Variants in RAD23A observed in about 807,000 individuals in gnomAD.
RAD23A encodes RAD23 nucleotide excision repair protein A, also known as lysine-specific demethylase RAD23A.
Under a neutral mutation model 44.8 loss-of-function variants are expected in RAD23A, and 16 were observed. The ratio of observed to expected loss-of-function variants is 0.36; its 90% CI spans 0.24 to 0.54. The LOEUF is 0.54. Among genes scored for constraint, RAD23A ranks in the 20% least tolerant of loss-of-function variants. The pLI is 0.89. For missense variants in RAD23A, 380 were observed against 483.3 expected, an observed-to-expected ratio of 0.79 and a Z score of 2.00; for synonymous variants, 217 against 202.9, an observed-to-expected ratio of 1.07 and a Z score of -0.59.
rs1971653247 is a variant in RAD23A, at chr19:12,945,865, G to T, written c.-84G>T. The T allele has an allele frequency of 4.8e-6, 7 of 1,464,418 alleles. No individual in the cohort carries two copies. Among genetic ancestry groups the T allele is most frequent in the Middle Eastern group, 2.3e-4 (1 of 4,416 alleles). 90.7% of individuals were successfully genotyped at this position (1,464,418 alleles called of 1,614,324 possible). On this transcript the variant is annotated 5_prime_UTR_variant, in exon 1 of 9. Transcript: ENST00000586534. The stretch of plus-strand genomic sequence containing the variant: ...CCGGAAGTGGTCGGCGCGCGGCGCG[G>T]CGCGCCTGGGCGCTAAGATGGCGGC...
intron 8 of RAD23A, 37 bp from the exon 9 acceptor site, chr19:12,952,899 A>C (rs764294865): frequency 2.5e-6 from 4 of 1,610,626 alleles, no homozygotes; most frequent in Non-Finnish European, 3.4e-6. Context: ...CAGGACCCCT[A>C]CCCTCTCCTG....
chr19:12,952,773 G>A lies in RAD23A; in HGVS notation c.898G>A (p.Glu300Lys). 1 of 1,602,404 alleles carries A rather than the reference G, an allele frequency of 6.2e-7. No individual in the cohort carries two copies. The highest frequency in any genetic ancestry group is 8.5e-7 in the Non-Finnish European group (1 of 1,174,668). Residue 300 changes from glutamate (E) to lysine (K), a missense_variant, in exon 8 of 9, where the codon GAG (glutamate) becomes AAG (lysine). Glu to Lys is a moderately conservative substitution (Grantham distance 56). Coordinates refer to ENST00000586534, the MANE Select transcript of RAD23A (RefSeq NM_005053.4). ...GGCGGACATCTCAGATGTGGAGGGG[G>A]AGGTGGGCGCCATAGGAGAGGAGGC... is the stretch of plus-strand genomic sequence containing the variant. ...ELADISDVEG[E>K]VGAIGEEAPQ...
At chr19:12,952,500 G>C (rs1211445757) in intron 7 of RAD23A, 189 bp from the exon 8 acceptor site, 2 of 653,560 alleles carry the variant, frequency 3.1e-6, no homozygotes, top group East Asian at 3.1e-5. Flanking sequence ...CTTATTTCTT[G>C]GCTCACTTAA....
Position 12,949,561 on chromosome 19 carries a change from A to AC in RAD23A, c.813+159dup, listed in dbSNP as rs546292429. The AC allele has an allele frequency of 3.3e-3, 3,510 of 1,062,670 alleles. 10 individuals are homozygous for AC. Among genetic ancestry groups the AC allele is most frequent in the Non-Finnish European group, 4.3e-3 (3,164 of 742,238 alleles). 65.8% of individuals were successfully genotyped at this position (1,062,670 alleles called of 1,614,324 possible). A position where few individuals can be genotyped will look rare whatever the true frequency, so the allele number is the denominator to read the frequency against. On this transcript the variant is annotated intron_variant, in intron 7 of 8. Coordinates refer to ENST00000586534, the MANE Select transcript of RAD23A (RefSeq NM_005053.4). ...CCCCTGTGCTTCCTGTGACCTGGTG[A>AC]CCCCCCTGGTTTCTCAGTCTTCCCA...
chr19:12,948,539 G>A lies in RAD23A; in HGVS notation c.459G>A (p.Ala153=), dbSNP rs751358813. 2.2e-5 allele frequency: 35 copies of A among 1,594,930 alleles called. No individual in the cohort carries two copies. The highest frequency in any genetic ancestry group is 1.7e-4 in the Middle Eastern group (1 of 5,966). Residue 153 remains alanine, a synonymous_variant, in exon 4 of 9, where the codon GCG becomes GCA. Transcript: ENST00000586534. The surrounding 1 kb of genome is among the most constrained non-coding windows in gnomAD (Gnocchi z 5.5). ...GTAGCAGCGGGCGAGAGGAAGACGC[G>A]GCCTCCACGCTAGGTGGGTGGGTGG... ...SSGSSGREED[A]ASTLVTGSEY...
In RAD23A at chr19:12,945,952, G is replaced by A; in HGVS notation, c.4G>A (p.Ala2Thr). 1 of 1,607,978 alleles carries A rather than the reference G, an allele frequency of 6.2e-7. No individual in the cohort carries two copies. The highest frequency in any genetic ancestry group is 8.5e-7 in the Non-Finnish European group (1 of 1,178,208). Residue 2 changes from alanine (A) to threonine (T), a missense_variant, in exon 1 of 9, where the codon GCC (alanine) becomes ACC (threonine). Around this residue, in one of 3 missense-constraint regions of RAD23A, gnomAD observed 70 missense variants for 106.0 expected, o/e 0.66. Transcript: ENST00000586534. M[A>T]VTITLKTLQQ... ...GCCGCGTCGCTCGGGCCCCGCCATG[G>A]CCGTCACCATCACGCTCAAAACGCT...
chr19:12,946,605 T>C (rs1008171302), intron 1 of RAD23A, among the ~76,000 whole-genome samples: 1 of 152,092 alleles, frequency 6.6e-6, no homozygotes, highest in African/African-American at 2.4e-5. Flanking sequence ...TGTGGAAACC[T>C]AGGGATTGAG....
chr19:12,950,542 C>T (rs1971781895), intron 7 of RAD23A, among the ~76,000 whole-genome samples: 2 of 152,054 alleles, frequency 1.3e-5, no homozygotes, highest in African/African-American at 4.8e-5. Flanking sequence ...GCTGGGACTA[C>T]AGGCGCCCGC....
intron 7 of RAD23A, among the ~76,000 whole-genome samples, chr19:12,949,845 A>G (rs530341665): frequency 6.6e-6 from 1 of 151,620 alleles, no homozygotes; most frequent in East Asian, 2.0e-4. Flanking sequence ...GTGAGGCTCC[A>G]TCTTGCCCTT....
chr19:12,952,635 AGAG>A (rs929674667), intron 7 of RAD23A, 51 bp from the exon 8 acceptor site: 1 of 1,533,434 alleles, frequency 6.5e-7, no homozygotes, highest in African/African-American at 1.4e-5. Context: ...TGACCTGGGG[AGAG>A]GAGGGGACCA....
intron 1 of RAD23A, among the ~76,000 whole-genome samples, chr19:12,946,640 G>A (rs993929545): frequency 2.6e-5 from 4 of 152,204 alleles, no homozygotes; most frequent in African/African-American, 9.7e-5. Context: ...TCACACACAA[G>A]TAATGGCAGA....
chr19:12,949,806 C>A (rs1199230982), intron 7 of RAD23A, among the ~76,000 whole-genome samples: 1 of 152,050 alleles, frequency 6.6e-6, no homozygotes, highest in Non-Finnish European at 1.5e-5. Flanking sequence ...ACAGCTGTGC[C>A]CCAGTTGGCT....
rs201616818 is a variant in RAD23A at position 12,948,263 on chromosome 19, C to G, written c.321C>G (p.Pro107=). Residue 107 remains proline, a synonymous_variant, in exon 3 of 9, where the codon CCC becomes CCG. Transcript: ENST00000586534. This position sits in a 1 kb window ranked among gnomAD's most constrained non-coding sequence, Gnocchi z 5.5. The part of the protein sequence containing the change: ...PESSTSFPPA[P]TSGMSHPPPA... ...CCTCTACATCCTTCCCGCCTGCCCCCACCTCAGGCATGTCCCATCCCCCAC... is the reference window on the plus strand; with the variant it reads ...CCTCTACATCCTTCCCGCCTGCCCCGACCTCAGGCATGTCCCATCCCCCAC... 6.8e-6 allele frequency: 11 copies of G among 1,613,542 alleles called. No homozygotes were observed. The highest frequency in any genetic ancestry group is 9.3e-6 in the Non-Finnish European group (11 of 1,179,660).
intron 1 of RAD23A, 81 bp downstream of exon 1, chr19:12,946,101 G>C: frequency 7.7e-7 from 1 of 1,302,366 alleles, no homozygotes; most frequent in Admixed American, 2.2e-5. Flanking sequence ...GAATCCCAAC[G>C]GGAGGGGCAG....
At position 12,949,334 on chromosome 19, in the gene RAD23A, G is replaced by C. The variant is rs1219918662; in HGVS notation, c.739G>C (p.Val247Leu). ...GCCCCAGTTCCAGAACATGCGGCAG[G>C]TGATTCAGCAGAACCCTGCGCTGCT... Reference protein sequence around the residue: ...DQPQFQNMRQVIQQNPALLPA... With the variant: ...DQPQFQNMRQLIQQNPALLPA... The change falls in exon 7 of 9, where the codon GTG becomes CTG. Residue 247 changes from valine to leucine, a missense_variant. Physicochemically the swap from Val to Leu is conservative, Grantham distance 32. Transcript: ENST00000586534. 4.3e-6 allele frequency: 7 copies of C among 1,614,014 alleles called. No homozygotes were observed. In the Middle Eastern group the frequency reaches 4.9e-4, roughly 114 times the overall value.
At chr19:12,947,374 G>A (rs1014731654) in intron 1 of RAD23A, among the ~76,000 whole-genome samples, 12 of 152,214 alleles carry the variant, frequency 7.9e-5, no homozygotes, top group African/African-American at 2.7e-4. Context: ...TGCAGTCAGC[G>A]ATGATCGTGC....
intron 1 of RAD23A, 21 bp downstream of exon 1, chr19:12,946,041 C>A: frequency 7.3e-6 from 2 of 273,288 alleles, no homozygotes; most frequent in Admixed American, 7.9e-5. Context: ...GGCCGGAGCC[C>A]GGGGGCGGGA....
intron 7 of RAD23A, among the ~76,000 whole-genome samples, chr19:12,951,792 T>C (rs1278412435): frequency 6.6e-6 from 1 of 152,174 alleles, no homozygotes; most frequent in African/African-American, 2.4e-5. Flanking sequence ...CCCAGATGCA[T>C]CCACCCTGGG....
Position 12,948,574 on chromosome 19 carries a change from C to G in RAD23A, c.472+22C>G. ...CTAGGTGGGTGGGTGGTCCCCAGGG[C>G]AGAGGTGACTGGGTGCCCCAGCCAT... On this transcript the variant is annotated intron_variant, in intron 4 of 8. Transcript: ENST00000586534. This position sits in a 1 kb window ranked among gnomAD's most constrained non-coding sequence, Gnocchi z 5.5. 6.3e-7 allele frequency: 1 copy of G among 1,583,034 alleles called. No individual in the cohort carries two copies. Among genetic ancestry groups the G allele is most frequent in the Middle Eastern group, 1.7e-4 (1 of 5,898 alleles).
Sources: gnomAD v4.1 joint callset for allele counts (sites outside exome capture counted in the v4.1 genomes callset) on GRCh38, gnomAD v4.1.1 for gene constraint, gnomAD v4.1.1 regional missense constraint, Gnocchi (gnomAD v3.1) non-coding constraint, MANE v1.5 for transcripts, NCBI Gene and HGNC (gene_info 2026-07-23, HGNC 2026-07-21) for gene names.